PPFIBP1: variants seen among roughly 807,000 people sequenced by gnomAD.
The protein encoded by PPFIBP1 is liprin-beta-1.
PPFIBP1 carries 112 observed loss-of-function variants against 137.8 expected under a neutral mutation model. That is an observed-to-expected ratio of 0.81 (90% CI 0.70 to 0.95). The LOEUF (loss-of-function observed/expected upper bound fraction) is 0.95. Ranked by LOEUF, PPFIBP1 falls within the 40% of genes least tolerant of loss-of-function variation. The pLI is 0.00. For synonymous variants in PPFIBP1, 378 were observed against 417.3 expected (o/e 0.91, Z 1.15); for missense variants, 1,083 against 1,196.6 (o/e 0.91, Z 1.40).
At chr12:27,610,751 A>G (rs1203892453) in intron 2 of PPFIBP1, among the ~76,000 whole-genome samples, 1 of 152,220 alleles carries the variant, frequency 6.6e-6, no homozygotes, top group East Asian at 1.9e-4. Context: ...GGATCCTAGC[A>G]TGAACCTCTC....
chr12:27,639,835 C>T (rs1055261457), intron 4 of PPFIBP1, among the ~76,000 whole-genome samples: 59 of 152,282 alleles, frequency 3.9e-4, no homozygotes, highest in Admixed American at 1.6e-3. Flanking sequence ...AGTTCAGCCA[C>T]GGGACATGCT....
At chr12:27,681,785 T>C (rs753490370) in intron 22 of PPFIBP1, 89 bp downstream of exon 22, 18 of 1,436,466 alleles carry the variant, frequency 1.3e-5, no homozygotes, top group African/African-American at 2.8e-5. Flanking sequence ...GAAAGGGCCA[T>C]GAGTGAAGCC....
chr12:27,565,898 A>G (rs2049616203), intron 1 of PPFIBP1, among the ~76,000 whole-genome samples: 1 of 151,482 alleles, frequency 6.6e-6, no homozygotes, highest in African/African-American at 2.4e-5. Context: ...TTATTTCTCC[A>G]TCTTACTCAC....
chr12:27,668,835 T>G (rs2060015810), intron 13 of PPFIBP1, among the ~76,000 whole-genome samples: 1 of 152,180 alleles, frequency 6.6e-6, no homozygotes, highest in Non-Finnish European at 1.5e-5. Context: ...TAAGGTATTT[T>G]TTTTTCTATT....
chr12:27,528,085 A>C (rs1268499538), intron 1 of PPFIBP1, among the ~76,000 whole-genome samples: 1 of 152,038 alleles, frequency 6.6e-6, no homozygotes, highest in Non-Finnish European at 1.5e-5. Flanking sequence ...GTTAGCTAGG[A>C]TTACAGGTGT....
chr12:27,634,918 G>A lies in PPFIBP1; in HGVS notation c.73G>A (p.Ala25Thr). 1 of 1,613,682 alleles carries A rather than the reference G, an allele frequency of 6.2e-7. No homozygotes were observed. The highest frequency in any genetic ancestry group is 1.1e-5 in the South Asian group (1 of 91,062). Residue 25 changes from alanine to threonine, a missense_variant, in exon 4 of 30, where the codon GCT becomes ACT. Transcript: ENST00000228425. Reference protein sequence around the residue: ...QMDGIIAGSKALEYSNGIFDC... With the variant: ...QMDGIIAGSKTLEYSNGIFDC... ...GATTTTGTTTAACTTAGGTTCTAAG[G>A]CTCTGGAATATTCCAATGGGATTTT... is the stretch of plus-strand genomic sequence containing the variant.
chr12:27,661,087 A>G (rs1593206701), intron 11 of PPFIBP1, 142 bp downstream of exon 11: 2 of 1,284,294 alleles, frequency 1.6e-6, no homozygotes, highest in Admixed American at 2.8e-5. Context: ...GCACACTCCC[A>G]GGTGGGCTGT....
chr12:27,688,166 A>C (rs2061312597), intron 25 of PPFIBP1, 132 bp from the exon 26 acceptor site: 1 of 1,062,402 alleles, frequency 9.4e-7, no homozygotes, highest in Non-Finnish European at 1.4e-6. Context: ...TATGACAGAA[A>C]TTCTTTAAAA....
chr12:27,670,063 GGT>G (rs986479766), intron 13 of PPFIBP1, among the ~76,000 whole-genome samples: 2 of 152,134 alleles, frequency 1.3e-5, no homozygotes, highest in African/African-American at 4.8e-5. Flanking sequence ...AGCTTTCAGA[GGT>G]GAAGAACTGT....
rs2059091502 is a variant in PPFIBP1 at position 27,654,728 on chromosome 12, A to G, written c.610A>G (p.Ile204Val). The change falls in exon 8 of 30, where the codon ATT becomes GTT. Residue 204 changes from isoleucine (I) to valine (V), a missense_variant. By Grantham distance (29) the Ile-to-Val change is conservative (BLOSUM62 3). Coordinates refer to ENST00000228425, the MANE Select transcript of PPFIBP1 (RefSeq NM_003622.4). ...CTTGTTTCTTCTTGGACAGGGGCTG[A>G]TTCAGGAGATCAATGATTTGAGGTT... ...EDKFRDTEGL[I>V]QEINDLRLKV... 2 of 1,610,982 alleles carry G rather than the reference A, an allele frequency of 1.2e-6. No individual in the cohort carries two copies.
intron 28 of PPFIBP1, 77 bp from the exon 29 acceptor site, chr12:27,692,514 A>T (rs1384970932): frequency 9.0e-6 from 12 of 1,336,892 alleles, no homozygotes; most frequent in African/African-American, 1.4e-5. Context: ...ATTTCTTCTT[A>T]GACTTTTGTT....
intron 1 of PPFIBP1, among the ~76,000 whole-genome samples, chr12:27,526,407 A>G (rs1419773303): frequency 2.0e-5 from 3 of 152,226 alleles, no homozygotes; most frequent in Admixed American, 1.3e-4. Context: ...TTCTCAGTCC[A>G]TGTTTATGAG....
intron 2 of PPFIBP1, among the ~76,000 whole-genome samples, chr12:27,632,538 A>G (rs1419759643): frequency 1.3e-5 from 2 of 152,214 alleles, no homozygotes; most frequent in Admixed American, 6.5e-5. Context: ...AGATAAACCA[A>G]TGAGTAGATT....
At chr12:27,545,935 C>T (rs971221634) in intron 1 of PPFIBP1, among the ~76,000 whole-genome samples, 1 of 152,210 alleles carries the variant, frequency 6.6e-6, no homozygotes, top group Non-Finnish European at 1.5e-5. Context: ...TCCCCTCAGC[C>T]TCTTGTCAGC....
In PPFIBP1 at chr12:27,693,050, T is replaced by C; in HGVS notation, c.*168T>C. On this transcript the variant is annotated 3_prime_UTR_variant, in exon 30 of 30. Transcript: ENST00000228425. The stretch of plus-strand genomic sequence containing the variant: ...AGGAGTAATGTGCCGATTCTGAAGT[T>C]GCCACAAAAAATAAGACACTGGTGA... The C allele has an allele frequency of 9.0e-7, 1 of 1,112,436 alleles. No homozygotes were observed. 68.9% of individuals were successfully genotyped at this position (1,112,436 alleles called of 1,614,324 possible). A position where few individuals can be genotyped will look rare whatever the true frequency, so the allele number is the denominator to read the frequency against.
chr12:27,577,137 C>T (rs1405407182), intron 1 of PPFIBP1, among the ~76,000 whole-genome samples: 1 of 152,002 alleles, frequency 6.6e-6, no homozygotes, highest in African/African-American at 2.4e-5. Flanking sequence ...TGAAAATCCA[C>T]ACCCCCATTC....
rs547460145 is a variant in PPFIBP1 at position 27,658,727 on chromosome 12, T to TA, written c.812-84dup. On this transcript the variant is annotated intron_variant, in intron 9 of 29. Transcript: ENST00000228425. ...GAGGTTAGATTTCCGTTATTTTAGG[T>TA]AAAAAGAGACTAAATAGTAGTGATT... 7.6e-5 allele frequency: 105 copies of TA among 1,385,668 alleles called. No homozygotes were observed. The South Asian group carries it at 1.3e-3, about 17-fold the overall frequency. 85.8% of individuals were successfully genotyped at this position (1,385,668 alleles called of 1,614,324 possible).
intron 6 of PPFIBP1, among the ~76,000 whole-genome samples, chr12:27,649,281 T>A (rs1465268602): frequency 2.6e-5 from 4 of 152,206 alleles, no homozygotes; most frequent in Admixed American, 2.0e-4. Context: ...GTTCCTAACC[T>A]CTCTGTTACT....
intron 27 of PPFIBP1, 70 bp from the exon 28 acceptor site, chr12:27,691,679 T>G: frequency 7.7e-6 from 10 of 1,291,390 alleles, no homozygotes; most frequent in South Asian, 1.5e-5. Context: ...AAAAATCACA[T>G]GTTATCAGGC....
Sources: gnomAD v4.1 joint callset for allele counts (sites outside exome capture counted in the v4.1 genomes callset) on GRCh38, gnomAD v4.1.1 for gene constraint, MANE v1.5 for transcripts, NCBI Gene and HGNC (gene_info 2026-07-23, HGNC 2026-07-21) for gene names.